Variants in CDYL observed in about 807,000 individuals in gnomAD.
CDYL encodes chromodomain Y like.
In CDYL, 8 loss-of-function variants were observed where a neutral mutation model predicts 47.3. That is an observed-to-expected ratio of 0.17 (90% CI 0.10 to 0.31). CDYL has a LOEUF of 0.31. Ranked by LOEUF, CDYL falls within the 10% of genes least tolerant of loss-of-function variation. The pLI, the probability that CDYL is intolerant of heterozygous loss-of-function variation, is 1.00. For synonymous variants in CDYL, 266 were observed against 265.0 expected, an observed-to-expected ratio of 1.00 and a Z score of -0.04; for missense variants, 471 against 701.4, an observed-to-expected ratio of 0.67 and a Z score of 3.71.
intron 2 of CDYL, among the ~76,000 whole-genome samples, chr6:4,895,729 C>A (rs547875559): frequency 6.6e-6 from 1 of 152,158 alleles, no homozygotes; most frequent in East Asian, 1.9e-4. Context: ...TGAACTGCAG[C>A]CCTCGCCAGA....
chr6:4,711,250 G>A (rs1757148024), intron 1 of CDYL, among the ~76,000 whole-genome samples: 1 of 152,092 alleles, frequency 6.6e-6, no homozygotes, highest in Non-Finnish European at 1.5e-5. Flanking sequence ...TTCCAGAGGA[G>A]GCCCTTTAAC....
chr6:4,756,691 T>A (rs957312749), intron 3 of CDYL, among the ~76,000 whole-genome samples: 4 of 152,116 alleles, frequency 2.6e-5, no homozygotes, highest in Non-Finnish European at 5.9e-5. Flanking sequence ...ATCTCTCAGA[T>A]GTTTGAAATG....
chr6:4,888,744 G>A (rs900593612), intron 1 of CDYL, among the ~76,000 whole-genome samples: 1 of 152,092 alleles, frequency 6.6e-6, no homozygotes, highest in African/African-American at 2.4e-5. Flanking sequence ...TAGTGTAGGT[G>A]TTCACTGGTA....
chr6:4,841,980 A>C (rs1372025459), intron 1 of CDYL, among the ~76,000 whole-genome samples: 3 of 144,530 alleles, frequency 2.1e-5, no homozygotes, highest in Admixed American at 7.0e-5. Flanking sequence ...ATTAATATTA[A>C]TAATAAATTA....
At chr6:4,858,941 T>A (rs900273009) in intron 1 of CDYL, among the ~76,000 whole-genome samples, 5 of 152,228 alleles carry the variant, frequency 3.3e-5, no homozygotes, top group Non-Finnish European at 7.3e-5. Context: ...TGGGCCAATG[T>A]TACCCAGGTT....
chr6:4,859,045 G>T (rs1761090963), intron 1 of CDYL, among the ~76,000 whole-genome samples: 1 of 152,188 alleles, frequency 6.6e-6, no homozygotes, highest in Non-Finnish European at 1.5e-5. Flanking sequence ...AGTAGTCCTA[G>T]AGCTAGAATC....
At chr6:4,820,593 T>A (rs1422145571) in intron 1 of CDYL, among the ~76,000 whole-genome samples, 1 of 152,166 alleles carries the variant, frequency 6.6e-6, no homozygotes, top group Non-Finnish European at 1.5e-5. Context: ...ACCACAGCCC[T>A]CTCACTAGTG....
chr6:4,739,476 G>A (rs559860514), intron 3 of CDYL, among the ~76,000 whole-genome samples: 3 of 141,916 alleles, frequency 2.1e-5, no homozygotes, highest in East Asian at 2.1e-4. Context: ...CCGAGATCTC[G>A]CCATTTGCAC....
intron 1 of CDYL, among the ~76,000 whole-genome samples, chr6:4,820,434 C>T (rs969002901): frequency 3.9e-5 from 6 of 152,066 alleles, no homozygotes; most frequent in African/African-American, 1.4e-4. Flanking sequence ...CAGCTTGTAC[C>T]ACGGTAAAGA....
intron 1 of CDYL, among the ~76,000 whole-genome samples, chr6:4,781,240 A>G (rs1758611948): frequency 6.6e-6 from 1 of 152,184 alleles, no homozygotes. Flanking sequence ...ACTTTGCGAT[A>G]AGATTCCTGC....
chr6:4,942,458 A>G (rs541975840), intron 4 of CDYL, among the ~76,000 whole-genome samples: 2 of 152,306 alleles, frequency 1.3e-5, no homozygotes, highest in Admixed American at 6.5e-5. Flanking sequence ...TGTAGAGAGC[A>G]TCTAGATTGT....
In CDYL at chr6:4,854,067, T is replaced by G. The variant is rs2127464948; in HGVS notation, c.25-37646T>G. On this transcript the variant is annotated intron_variant, in intron 1 of 6. Coordinates refer to ENST00000397588, the MANE Select transcript of CDYL (RefSeq NM_004824.4). Reference sequence around the variant, plus strand: ...TGTGTGTACTTTGCACACGTGTCCCTGGGGGTGTAGTTCACTGTGCACACA... The same window carrying G: ...TGTGTGTACTTTGCACACGTGTCCCGGGGGGTGTAGTTCACTGTGCACACA... Among the ~76,000 whole-genome samples the G allele has an allele frequency of 2.0e-5, 3 of 152,312 alleles. 1 individual carries two copies. In the Middle Eastern group the frequency reaches 0.01, roughly 518 times the overall value.
chr6:4,902,583 C>T (rs1485978277), intron 2 of CDYL, among the ~76,000 whole-genome samples: 1 of 152,174 alleles, frequency 6.6e-6, no homozygotes, highest in Non-Finnish European at 1.5e-5. Context: ...TCTGTACTTC[C>T]TCTTTTTGAA....
chr6:4,721,115 A>G (rs773735068), intron 2 of CDYL, among the ~76,000 whole-genome samples: 7 of 152,196 alleles, frequency 4.6e-5, no homozygotes, highest in Admixed American at 1.3e-4. Flanking sequence ...TAATATGTCA[A>G]TATCTTTCTA....
intron 1 of CDYL, among the ~76,000 whole-genome samples, chr6:4,890,665 T>C (rs918419508): frequency 1.2e-4 from 18 of 152,216 alleles, no homozygotes; most frequent in African/African-American, 4.1e-4. Context: ...TATTTGGGGA[T>C]GTTAGAGAAC....
chr6:4,819,152 CTCTCTCTCTCTG>C (rs1466328168), intron 1 of CDYL, among the ~76,000 whole-genome samples: 180 of 138,356 alleles, frequency 1.3e-3, no homozygotes, highest in African/African-American at 3.5e-3. Flanking sequence ...CTCTCTCTCT[CTCTCTCTCTCTG>C]TGTGTGTGTG....
At chr6:4,778,595 T>G (rs1351988857) in intron 1 of CDYL, among the ~76,000 whole-genome samples, 3 of 152,176 alleles carry the variant, frequency 2.0e-5, no homozygotes, top group African/African-American at 7.2e-5. Context: ...AAGGAGTGTC[T>G]GTTGGGGAGG....
chr6:4,858,283 C>CT lies in CDYL; in HGVS notation c.25-33429dup, dbSNP rs1202386079. Among the ~76,000 whole-genome samples the CT allele has an allele frequency of 4.6e-5, 7 of 152,172 alleles. No individual in the cohort carries two copies. In the East Asian group the frequency reaches 1.3e-3, roughly 29 times the overall value. ...AAGAGGAAGGGAAACTCGGAAAAAT[C>CT]TAAGACTCAGTACTAAACCACCGTT... On this transcript the variant is annotated intron_variant, in intron 1 of 6. Transcript: ENST00000397588.
chr6:4,780,942 G>C (rs1172335226), intron 1 of CDYL, among the ~76,000 whole-genome samples: 1 of 152,166 alleles, frequency 6.6e-6, no homozygotes, highest in Non-Finnish European at 1.5e-5. Flanking sequence ...TAGTAAAATG[G>C]AATAAGTATT....
Sources: gnomAD v4.1 joint callset for allele counts (sites outside exome capture counted in the v4.1 genomes callset) on GRCh38, gnomAD v4.1.1 for gene constraint, MANE v1.5 for transcripts, NCBI Gene and HGNC (gene_info 2026-07-23, HGNC 2026-07-21) for gene names.